The following MSH5 variants were observed in gnomAD, a reference collection of about 807,000 sequenced individuals.
MSH5 encodes the protein mutS protein homolog 5.
A neutral mutation model predicts 107.7 loss-of-function variants in MSH5; 78 were observed. That is an observed-to-expected ratio of 0.72 (90% CI 0.60 to 0.87). The LOEUF (loss-of-function observed/expected upper bound fraction) is 0.87, where lower values mean the gene tolerates loss of function less well. Ranked by LOEUF, MSH5 falls within the 40% of genes least tolerant of loss-of-function variation. The pLI, the probability that MSH5 is intolerant of heterozygous loss-of-function variation, is 0.00. For missense variants in MSH5, 889 were observed against 1,046.6 expected, an observed-to-expected ratio of 0.85 and a Z score of 2.08; for synonymous variants, 326 against 399.5, an observed-to-expected ratio of 0.82 and a Z score of 2.19.
At chr6:31,742,737 C>T in intron 3 of MSH5, 140 bp from the exon 4 acceptor site, 1 of 729,094 alleles carries the variant, frequency 1.4e-6, no homozygotes, top group South Asian at 1.7e-5. Context: ...TACCTGTGTT[C>T]CCACTGTGCA....
chr6:31,747,730 G>A (rs1310290210), intron 10 of MSH5, among the ~76,000 whole-genome samples: 3 of 152,152 alleles, frequency 2.0e-5, no homozygotes, highest in Non-Finnish European at 4.4e-5. Flanking sequence ...GTAAGGCCGG[G>A]CACAGTGGCT....
intron 8 of MSH5, among the ~76,000 whole-genome samples, 157 bp from the exon 9 acceptor site, chr6:31,745,080 G>A (rs1809293673): frequency 7.0e-6 from 1 of 142,552 alleles, no homozygotes; most frequent in Non-Finnish European, 1.5e-5. Flanking sequence ...CTCCAGCCTG[G>A]GCGACAGAGC....
rs866903702 is a variant in MSH5, at chr6:31,762,433, G to C, written c.2407G>C (p.Val803Leu). 1 of 1,613,026 alleles carries C rather than the reference G, an allele frequency of 6.2e-7. No homozygotes were observed. The highest frequency in any genetic ancestry group is 1.7e-5 in the Admixed American group (1 of 59,942). Residue 803 changes from valine to leucine, a missense_variant, in exon 25 of 25, where the codon GTG (valine) becomes CTG (leucine). Physicochemically the swap from Val to Leu is conservative, Grantham distance 32 (BLOSUM62 1). Transcript: ENST00000375750. ...TCTCTTCTTCAGTTGCCAGACATTA[G>C]TGGATAAGTTTATGAAACTGGATTT... ...KNQMENCQTL[V>L]DKFMKLDLED...
In MSH5 at chr6:31,762,182, A is replaced by G; in HGVS notation, c.2390A>G (p.Glu797Gly). 1 of 1,614,128 alleles carries G rather than the reference A, an allele frequency of 6.2e-7. No individual in the cohort carries two copies. The highest frequency in any genetic ancestry group is 8.5e-7 in the Non-Finnish European group (1 of 1,179,996). Reference sequence around the variant, plus strand: ...GATTTGCTAAAGAAGAACCAAATGGAAAAGTGCGTATATGGCCCCAGTGTC... The same window carrying G: ...GATTTGCTAAAGAAGAACCAAATGGGAAAGTGCGTATATGGCCCCAGTGTC... ...VKDLLKKNQM[E>G]NCQTLVDKFM... Residue 797 changes from glutamate (E) to glycine (G), a missense_variant, in exon 24 of 25, where the codon GAA becomes GGA. Around this residue, in one of 3 missense-constraint regions of MSH5, gnomAD observed 362 missense variants for 456.2 expected, o/e 0.79. Coordinates refer to ENST00000375750, the MANE Select transcript of MSH5 (RefSeq NM_172166.4).
Position 31,745,616 on chromosome 6 carries a change from G to A in MSH5, c.766+297G>A, listed in dbSNP as rs28381363. Among the ~76,000 whole-genome samples the A allele has an allele frequency of 2.3e-3, 355 of 152,246 alleles. 8 individuals carry two copies. In the East Asian group the frequency reaches 0.058, roughly 25 times the overall value. ...TGGGTACCTGTTAGGGACTTTGGGA[G>A]ACCTTGTGTATAGAGAAGAGTTTTG... On this transcript the variant is annotated intron_variant, in intron 9 of 24. Coordinates refer to ENST00000375750, the MANE Select transcript of MSH5 (RefSeq NM_172166.4).
chr6:31,745,214 ACTC>A lies in MSH5; in HGVS notation c.684-18_684-16del, dbSNP rs577738198. 51 of 1,528,626 alleles carry A rather than the reference ACTC, an allele frequency of 3.3e-5. 2 individuals are homozygous for A. The highest frequency in any genetic ancestry group is 3.1e-4 in the East Asian group (14 of 44,464). 94.7% of individuals were successfully genotyped at this position (1,528,626 alleles called of 1,614,324 possible). ...CCTTCAAAAGTCCAAGTTACCCCAA[ACTC>A]CTCCATTTCTCCTCGACAGTGTTCT... On this transcript the variant is annotated intron_variant, in intron 8 of 24. Transcript: ENST00000375750.
chr6:31,744,211 C>T lies in MSH5; in HGVS notation c.559C>T (p.Leu187=). The stretch of plus-strand genomic sequence containing the variant: ...CCAGGTTCGAGCACTTGGAGGGCTG[C>T]TGAAGTTCCTGGGTCGAAGAAGAAT... The part of the protein sequence containing the change: ...LLTVRALGGL[L]KFLGRRRIGV... Residue 187 remains leucine (L), a synonymous_variant, in exon 7 of 25, where the codon CTG becomes TTG. Transcript: ENST00000375750. The T allele has an allele frequency of 6.2e-7, 1 of 1,613,436 alleles. No individual in the cohort carries two copies. The highest frequency in any genetic ancestry group is 8.5e-7 in the Non-Finnish European group (1 of 1,179,628).
rs556439930 is a variant in MSH5, at chr6:31,761,165, C to T, written c.1963-23C>T. On this transcript the variant is annotated intron_variant, in intron 20 of 24. Transcript: ENST00000375750. The surrounding 1 kb of genome is among the most constrained non-coding windows in gnomAD (Gnocchi z 5.3). ...TACGGGCTTCCAATACTAACTTTCCCTTGTCCACCTTATACCCAGCAGGTG... is the reference window on the plus strand; with the variant it reads ...TACGGGCTTCCAATACTAACTTTCCTTTGTCCACCTTATACCCAGCAGGTG... The T allele has an allele frequency of 3.1e-6, 5 of 1,611,218 alleles. No homozygotes were observed. Among genetic ancestry groups the T allele is most frequent in the African/African-American group, 1.3e-5 (1 of 75,018 alleles).
Position 31,743,910 on chromosome 6 carries a change from AG to A in MSH5, c.423del (p.Ile142Ter), listed in dbSNP as rs1481178952. 6.2e-7 allele frequency: 1 copy of A among 1,613,226 alleles called. No homozygotes were observed. Reference sequence around the variant, plus strand: ...GCTTGCCTCCCTCAAATAGGTCTGGAGATAAGCAAACAACGCCTCCTTTCTG... The same window carrying A: ...GCTTGCCTCCCTCAAATAGGTCTGGAATAAGCAAACAACGCCTCCTTTCTG... ...IFLPSVDFGL[E>X]ISKQRLLSGN... On this transcript the variant is annotated frameshift_variant, in exon 6 of 25. Transcript: ENST00000375750. LOFTEE classifies it high-confidence loss of function.
chr6:31,745,405 C>A, intron 9 of MSH5, 86 bp downstream of exon 9: 4 of 876,806 alleles, frequency 4.6e-6, no homozygotes, highest in African/African-American at 1.7e-5. Context: ...GCCTCCCTTC[C>A]CACTTCACTC....
intron 8 of MSH5, among the ~76,000 whole-genome samples, chr6:31,744,877 G>T (rs1158985310): frequency 6.6e-6 from 1 of 152,154 alleles, no homozygotes. Context: ...GCTTTGGGAG[G>T]CCAAGGCGGG....
chr6:31,740,455 G>A lies in MSH5; in HGVS notation c.-12G>A. 1 of 1,556,296 alleles carries A rather than the reference G, an allele frequency of 6.4e-7. No individual in the cohort carries two copies. Among genetic ancestry groups the A allele is most frequent in the Non-Finnish European group, 8.7e-7 (1 of 1,149,872 alleles). On this transcript the variant is annotated splice_region_variant and 5_prime_UTR_variant, in exon 2 of 25. Coordinates refer to ENST00000375750, the MANE Select transcript of MSH5 (RefSeq NM_172166.4). This position sits in a 1 kb window ranked among gnomAD's most constrained non-coding sequence, Gnocchi z 4.4. Reference sequence around the variant, plus strand: ...CGCCCTCACTTTTTGCATCCGCAGAGCCTCCAAGCTCATGGCCTCCTTAGG... The same window carrying A: ...CGCCCTCACTTTTTGCATCCGCAGAACCTCCAAGCTCATGGCCTCCTTAGG...
rs1049115697 is a variant in MSH5, at chr6:31,761,730, C to T, written c.2182-88C>T. On this transcript the variant is annotated intron_variant, in intron 22 of 24. Coordinates refer to ENST00000375750, the MANE Select transcript of MSH5 (RefSeq NM_172166.4). This position sits in a 1 kb window ranked among gnomAD's most constrained non-coding sequence, Gnocchi z 5.3. Reference sequence around the variant, plus strand: ...CTCAGCACAGAGACCACATCCCTTCCCTTTTCTCCCTCCCCACAGGATTGG... The same window carrying T: ...CTCAGCACAGAGACCACATCCCTTCTCTTTTCTCCCTCCCCACAGGATTGG... 2 of 1,612,408 alleles carry T rather than the reference C, an allele frequency of 1.2e-6. No homozygotes were observed. Among genetic ancestry groups the T allele is most frequent in the Non-Finnish European group, 8.5e-7 (1 of 1,179,340 alleles).
rs1292837626 is a variant in MSH5 at position 31,761,538 on chromosome 6, C to T, written c.2104C>T (p.His702Tyr). Reference protein sequence around the residue: ...HWLARGPTCPHIFVATNFLSL... With the variant: ...HWLARGPTCPYIFVATNFLSL... ...GCTGGCACGTGGACCCACATGCCCC[C>T]ACATCTTTGTGGCCACCAACTTTCT... Residue 702 changes from histidine to tyrosine, a missense_variant, in exon 22 of 25, where the codon CAC (histidine) becomes TAC (tyrosine). This residue lies in a region of MSH5 where 362 missense variants were observed against 456.2 expected (regional missense o/e 0.79). Coordinates refer to ENST00000375750, the MANE Select transcript of MSH5 (RefSeq NM_172166.4). The surrounding 1 kb of genome is among the most constrained non-coding windows in gnomAD (Gnocchi z 5.3). 9.3e-6 allele frequency: 15 copies of T among 1,613,838 alleles called. No homozygotes were observed. Among genetic ancestry groups the T allele is most frequent in the Non-Finnish European group, 1.2e-5 (14 of 1,180,056 alleles).
In MSH5 at chr6:31,758,613, T is replaced by C. The variant is rs1376055719; in HGVS notation, c.1209T>C (p.Ile403=). ...FTVLPNIDPE[I]DEKKRRLMGL... ...TCCTCCCCAACATAGATCCTGAAAT[T>C]GATGAGAGTGAGTGTTGGGTGTGGA... Residue 403 remains isoleucine (I), a synonymous_variant, in exon 14 of 25, where the codon ATT becomes ATC. Transcript: ENST00000375750. The surrounding 1 kb of genome is among the most constrained non-coding windows in gnomAD (Gnocchi z 5.1). 17 of 1,613,952 alleles carry C rather than the reference T, an allele frequency of 1.1e-5. No individual in the cohort carries two copies. Among genetic ancestry groups the C allele is most frequent in the Non-Finnish European group, 1.4e-5 (17 of 1,180,012 alleles).
chr6:31,758,684 GTGGTCACCACAGC>G lies in MSH5; in HGVS notation c.1216+68_1217-66del. ...AGTGATGGAGTACCATCCTTGGCAG[GTGGTCACCACAGC>G]TGGGGATCTTCATAGCAACCAGGGC... On this transcript the variant is annotated intron_variant, in intron 14 of 24. Transcript: ENST00000375750. The surrounding 1 kb of genome is among the most constrained non-coding windows in gnomAD (Gnocchi z 5.1). 1 of 1,609,604 alleles carries G rather than the reference GTGGTCACCACAGC, an allele frequency of 6.2e-7. No individual in the cohort carries two copies. The highest frequency in any genetic ancestry group is 8.5e-7 in the Non-Finnish European group (1 of 1,176,022).
chr6:31,740,471 C>T lies in MSH5; in HGVS notation c.5C>T (p.Ala2Val). The T allele has an allele frequency of 1.9e-6, 3 of 1,562,802 alleles. No homozygotes were observed. The highest frequency in any genetic ancestry group is 2.4e-5 in the East Asian group (1 of 41,360). Residue 2 changes from alanine (A) to valine (V), a missense_variant, in exon 2 of 25, where the codon GCC becomes GTC. Coordinates refer to ENST00000375750, the MANE Select transcript of MSH5 (RefSeq NM_172166.4). This position sits in a 1 kb window ranked among gnomAD's most constrained non-coding sequence, Gnocchi z 4.4. Reference sequence around the variant, plus strand: ...ATCCGCAGAGCCTCCAAGCTCATGGCCTCCTTAGGAGCGAACCCAAGGAGG... The same window carrying T: ...ATCCGCAGAGCCTCCAAGCTCATGGTCTCCTTAGGAGCGAACCCAAGGAGG... M[A>V]SLGANPRRTP...
chr6:31,752,399 C>A (rs1288967804), intron 10 of MSH5, among the ~76,000 whole-genome samples: 1 of 148,920 alleles, frequency 6.7e-6, no homozygotes, highest in African/African-American at 2.5e-5. Context: ...GAGCAAGACT[C>A]TATATAAAAA....
intron 12 of MSH5, among the ~76,000 whole-genome samples, chr6:31,755,337 C>CATGCATTTATTT (rs1810354230): frequency 6.9e-6 from 1 of 144,924 alleles, no homozygotes. Flanking sequence ...TTTTTGCTTG[C>CATGCATTTATTT]ATTTATTTAT....
Sources: allele counts gnomAD v4.1 joint callset (sites outside exome capture counted in the v4.1 genomes callset), GRCh38; gene constraint gnomAD v4.1.1; regional missense constraint gnomAD v4.1.1; non-coding constraint Gnocchi (gnomAD v3.1); transcripts MANE v1.5; gene names NCBI Gene and HGNC (gene_info 2026-07-23, HGNC 2026-07-21).